The following MROH7 variants were observed in gnomAD, a reference collection of about 807,000 sequenced individuals.
MROH7 encodes the protein maestro heat-like repeat-containing protein family member 7.
In MROH7, 113 loss-of-function variants were observed where a neutral mutation model predicts 129.2. The observed-to-expected ratio is 0.87, with a 90% CI of 0.75 to 1.02. MROH7 has a LOEUF of 1.02. Ranked by LOEUF, MROH7 falls within the 50% of genes least tolerant of loss-of-function variation. MROH7 has a pLI of 0.00. For missense variants in MROH7, 1,601 were observed against 1,671.3 expected (o/e 0.96, Z 0.73); for synonymous variants, 655 against 667.9 (o/e 0.98, Z 0.30).
In MROH7 at chr1:54,670,527, C is replaced by G. The variant is rs1644880833; in HGVS notation, c.1420C>G (p.Leu474Val). Residue 474 changes from leucine (L) to valine (V), a missense_variant, in exon 6 of 24, where the codon CTC becomes GTC. Leu to Val is a conservative substitution (Grantham distance 32). Coordinates refer to ENST00000421030, the MANE Select transcript of MROH7 (RefSeq NM_001039464.4). ...GATCCAGGAGGAGCCACTGGATTCTCTCTCAAGCTCCGTCCGCAAGCAGGC... is the reference window on the plus strand; with the variant it reads ...GATCCAGGAGGAGCCACTGGATTCTGTCTCAAGCTCCGTCCGCAAGCAGGC... Reference protein sequence around the residue: ...RQIQEEPLDSLSSSVRKQAME... With the variant: ...RQIQEEPLDSVSSSVRKQAME... The G allele has an allele frequency of 1.2e-6, 2 of 1,613,904 alleles. No homozygotes were observed. The highest frequency in any genetic ancestry group is 1.7e-6 in the Non-Finnish European group (2 of 1,179,948).
At chr1:54,662,152 C>T (rs1173281073) in intron 3 of MROH7, among the ~76,000 whole-genome samples, 1 of 151,968 alleles carries the variant, frequency 6.6e-6, no homozygotes, top group Non-Finnish European at 1.5e-5. Flanking sequence ...CCTAGGAGGG[C>T]GAGGCTACAG....
At chr1:54,663,703 A>T (rs1749858) in intron 3 of MROH7, 3 of 309,878 alleles carry the variant, frequency 9.7e-6, no homozygotes, top group Non-Finnish European at 1.8e-5. Flanking sequence ...AAAAAAAAAC[A>T]AAAAAAAAAC....
chr1:54,694,163 T>C (rs1645284477), intron 16 of MROH7, among the ~76,000 whole-genome samples: 1 of 152,188 alleles, frequency 6.6e-6, no homozygotes, highest in Non-Finnish European at 1.5e-5. Context: ...ATTACAGGCG[T>C]GAGCCACGTC....
chr1:54,700,469 G>A lies in MROH7; in HGVS notation c.3105+8G>A, dbSNP rs1269957502. The A allele has an allele frequency of 6.4e-7, 1 of 1,570,400 alleles. No individual in the cohort carries two copies. Among genetic ancestry groups the A allele is most frequent in the Non-Finnish European group, 8.6e-7 (1 of 1,156,790 alleles). On this transcript the variant is annotated splice_region_variant and intron_variant, in intron 18 of 23. Coordinates refer to ENST00000421030, the MANE Select transcript of MROH7 (RefSeq NM_001039464.4). The stretch of plus-strand genomic sequence containing the variant: ...GCCCGCAGGTCTGAGAAGGTGAGTG[G>A]GAGGCAGAGGAAAGCCTGGCCCAGC...
intron 7 of MROH7, among the ~76,000 whole-genome samples, chr1:54,672,618 A>G (rs78080497): frequency 0.027 from 4,137 of 152,282 alleles, 96 homozygotes; most frequent in Non-Finnish European, 0.034. Flanking sequence ...GGAGATGATG[A>G]AAGTAAGATT....
At chr1:54,704,242 G>T (rs1645490494) in intron 21 of MROH7, among the ~76,000 whole-genome samples, 1 of 152,068 alleles carries the variant, frequency 6.6e-6, no homozygotes, top group Non-Finnish European at 1.5e-5. Flanking sequence ...CTTGGCCAGG[G>T]TCACTAATTC....
chr1:54,650,624 G>C (rs1051595102), intron 1 of MROH7, among the ~76,000 whole-genome samples: 1 of 148,182 alleles, frequency 6.7e-6, no homozygotes, highest in African/African-American at 2.5e-5. Flanking sequence ...CTTCCCTCTT[G>C]CCTTTCTCCT....
chr1:54,706,140 C>T (rs925300782), intron 21 of MROH7, among the ~76,000 whole-genome samples: 5 of 152,120 alleles, frequency 3.3e-5, no homozygotes, highest in African/African-American at 1.2e-4. Context: ...ACCTATGTCC[C>T]TCACATGCCA....
At position 54,708,236 on chromosome 1, in the gene MROH7, T is replaced by C. The variant is rs376632968; in HGVS notation, c.3668-778T>C. The stretch of plus-strand genomic sequence containing the variant: ...GAATTTGAGAGTAGCCTAAGCAATA[T>C]AGCAAGACCCCATCTCTACAAAAAA... On this transcript the variant is annotated intron_variant, in intron 22 of 23. Transcript: ENST00000421030. 1.1e-4 allele frequency among the ~76,000 whole-genome samples: 17 copies of C among 152,244 alleles called. No homozygotes were observed. The South Asian group carries it at 1.4e-3, about 13-fold the overall frequency.
chr1:54,704,435 T>A (rs1042695029), intron 21 of MROH7, among the ~76,000 whole-genome samples: 3 of 147,084 alleles, frequency 2.0e-5, no homozygotes, highest in Non-Finnish European at 4.5e-5. Flanking sequence ...ACCTATTTTT[T>A]TTTTTTTTTT....
At position 54,706,542 on chromosome 1, in the gene MROH7, C is replaced by A. The variant is rs1304197281; in HGVS notation, c.3667+5C>A. The A allele has an allele frequency of 6.2e-7, 1 of 1,604,934 alleles. No individual in the cohort carries two copies. Among genetic ancestry groups the A allele is most frequent in the Admixed American group, 1.7e-5 (1 of 59,958 alleles). On this transcript the variant is annotated splice_donor_5th_base_variant and intron_variant, in intron 22 of 23. Transcript: ENST00000421030. Reference sequence around the variant, plus strand: ...AGTGCTCAGTCATGTTCATAGGTAACCTGCCCTGGCATAAGTCATCCTGCT... The same window carrying A: ...AGTGCTCAGTCATGTTCATAGGTAAACTGCCCTGGCATAAGTCATCCTGCT...
chr1:54,645,651 C>CTTTTTTTTTTT (rs780480424), intron 1 of MROH7, among the ~76,000 whole-genome samples: 11 of 110,228 alleles, frequency 1.0e-4, no homozygotes, highest in East Asian at 3.7e-4. Context: ...TTCTTTCTTT[C>CTTTTTTTTTTT]TTTCTTTTTT....
intron 19 of MROH7, 107 bp from the exon 20 acceptor site, chr1:54,701,983 G>A (rs1322268349): frequency 3.9e-6 from 4 of 1,012,662 alleles, no homozygotes; most frequent in African/African-American, 1.7e-5. Flanking sequence ...GAAGAGTCGG[G>A]AGAGTTCCAG....
In MROH7 at chr1:54,702,710, C is replaced by G; in HGVS notation, c.3529C>G (p.Gln1177Glu). The change falls in exon 21 of 24, where the codon CAA becomes GAA. Residue 1177 changes from glutamine to glutamate, a missense_variant. Physicochemically the swap from Gln to Glu is conservative, Grantham distance 29. Transcript: ENST00000421030. ...TTATAGCCGGAAGCCCTGGGACAAC[C>G]AACAGCAGACAGTGGCCAAAATTTG... Reference protein sequence around the residue: ...RAYSRKPWDNQQQTVAKICKC... With the variant: ...RAYSRKPWDNEQQTVAKICKC... The G allele has an allele frequency of 1.2e-6, 2 of 1,613,688 alleles. No individual in the cohort carries two copies. The highest frequency in any genetic ancestry group is 2.2e-5 in the South Asian group (2 of 90,996).
intron 16 of MROH7, among the ~76,000 whole-genome samples, chr1:54,692,912 C>G (rs1645262477): frequency 6.6e-6 from 1 of 152,180 alleles, no homozygotes; most frequent in Non-Finnish European, 1.5e-5. Context: ...ATCTGAATCC[C>G]AGCTTACCAC....
At chr1:54,682,331 A>T (rs1450991045) in intron 13 of MROH7, among the ~76,000 whole-genome samples, 2 of 151,206 alleles carry the variant, frequency 1.3e-5, no homozygotes, top group South Asian at 2.1e-4. Flanking sequence ...TGCCCAGCTA[A>T]TTTTTTTTGT....
chr1:54,710,216 G>A lies in MROH7; in HGVS notation c.*29G>A. On this transcript the variant is annotated 3_prime_UTR_variant, in exon 24 of 24. Coordinates refer to ENST00000421030, the MANE Select transcript of MROH7 (RefSeq NM_001039464.4). ...CCCTGAGCCCCAAACCCTCCTCAGGGTGGTTGAGTTCCAGCCATGCTCCCT... is the reference window on the plus strand; with the variant it reads ...CCCTGAGCCCCAAACCCTCCTCAGGATGGTTGAGTTCCAGCCATGCTCCCT... 6.2e-7 allele frequency: 1 copy of A among 1,601,904 alleles called. No homozygotes were observed. Among genetic ancestry groups the A allele is most frequent in the Non-Finnish European group, 8.5e-7 (1 of 1,175,690 alleles).
chr1:54,668,538 G>A (rs1644847391), intron 4 of MROH7, among the ~76,000 whole-genome samples: 1 of 152,084 alleles, frequency 6.6e-6, no homozygotes, highest in South Asian at 2.1e-4. Flanking sequence ...GTTACTAATG[G>A]TGCAATTTCA....
chr1:54,679,385 G>A lies in MROH7; in HGVS notation c.2172G>A (p.Ser724=), dbSNP rs185594387. 49 of 1,614,126 alleles carry A rather than the reference G, an allele frequency of 3.0e-5. No homozygotes were observed. Among genetic ancestry groups the A allele is most frequent in the African/African-American group, 4.0e-5 (3 of 75,072 alleles). ...CCAGGGAGATGATGCAGCTGGCCTC[G>A]GAGGTCATGCTCAGCTCGGTGCTGG... ...KDSREMMQLA[S]EVMLSSVLEW... Residue 724 remains serine, a synonymous_variant, in exon 12 of 24, where the codon TCG becomes TCA. Transcript: ENST00000421030.
Sources: allele counts gnomAD v4.1 joint callset (sites outside exome capture counted in the v4.1 genomes callset), GRCh38; gene constraint gnomAD v4.1.1; transcripts MANE v1.5; gene names NCBI Gene and HGNC (gene_info 2026-07-23, HGNC 2026-07-21).